STAT2: variants seen among roughly 807,000 people sequenced by gnomAD.
The protein encoded by STAT2 is interferon alpha induced transcriptional activator.
STAT2 carries 51 observed loss-of-function variants against 122.3 expected under a neutral mutation model. The ratio of observed to expected loss-of-function variants is 0.42; its 90% CI spans 0.33 to 0.53. The LOEUF (loss-of-function observed/expected upper bound fraction) is 0.53. Among genes scored for constraint, STAT2 ranks in the 20% least tolerant of loss-of-function variants. The pLI is 0.10. For missense variants in STAT2, 736 were observed against 1,010.3 expected, an observed-to-expected ratio of 0.73 and a Z score of 3.68; for synonymous variants, 351 against 394.9, an observed-to-expected ratio of 0.89 and a Z score of 1.32.
chr12:56,354,552 C>T lies in STAT2; in HGVS notation c.696G>A (p.Leu232=). ...GRLTTLIELL[L]PKLEEWKAQQ... ...GGGCCTTCCACTCCTCCAACTTTGG[C>T]AGCAGTAGCTCGATTAGGGTAGTTA... The change falls in exon 8 of 24, where the codon CTG becomes CTA. Residue 232 remains leucine, a synonymous_variant. Transcript: ENST00000314128. The T allele has an allele frequency of 6.2e-7, 1 of 1,614,226 alleles. No homozygotes were observed. The highest frequency in any genetic ancestry group is 8.5e-7 in the Non-Finnish European group (1 of 1,180,040).
At chr12:56,352,963 G>T (rs970251910) in intron 8 of STAT2, among the ~76,000 whole-genome samples, 1 of 152,014 alleles carries the variant, frequency 6.6e-6, no homozygotes, top group Non-Finnish European at 1.5e-5. Context: ...AGGGACTACA[G>T]GCGTGTGCCA....
chr12:56,355,825 G>A, intron 3 of STAT2, 22 bp from the exon 4 acceptor site: 1 of 1,606,828 alleles, frequency 6.2e-7, no homozygotes, highest in East Asian at 2.2e-5. Context: ...AAACAGAAAG[G>A]ATTGATCCAA....
intron 8 of STAT2, 138 bp downstream of exon 8, chr12:56,354,328 G>A: frequency 7.5e-7 from 1 of 1,340,632 alleles, no homozygotes; most frequent in Non-Finnish European, 1.0e-6. Flanking sequence ...GCAGAATAGA[G>A]CTGCAGTCAG....
At position 56,354,016 on chromosome 12, in the gene STAT2, A is replaced by AATATAT. The variant is rs1555171512; in HGVS notation, c.782+444_782+449dup. Among the ~76,000 whole-genome samples, 21 of 16,690 alleles carry AATATAT rather than the reference A, an allele frequency of 1.3e-3. 1 individual carries two copies. The highest frequency in any genetic ancestry group is 0.01 in the South Asian group (1 of 98). The allele number at this position is 16,690 out of a possible 152,430, so 10.9% of individuals were successfully genotyped here. ...GTCTCAAAAAAAAAAAAAAAAAAAAAATATATATATATATATATATATATA... is the reference window on the plus strand; with the variant it reads ...GTCTCAAAAAAAAAAAAAAAAAAAAAATATATATATATATATATATATATATATATA... On this transcript the variant is annotated intron_variant, in intron 8 of 23. Transcript: ENST00000314128.
chr12:56,343,502 T>G lies in STAT2; in HGVS notation c.2443A>C (p.Ile815Leu), dbSNP rs139653103. The G allele has an allele frequency of 1.2e-6, 2 of 1,613,990 alleles. No homozygotes were observed. Among genetic ancestry groups the G allele is most frequent in the African/African-American group, 2.7e-5 (2 of 74,894 alleles). Residue 815 changes from isoleucine to leucine, a missense_variant, in exon 24 of 24, where the codon ATC becomes CTC. By Grantham distance (5) the Ile-to-Leu change is conservative. Transcript: ENST00000314128. Reference protein sequence around the residue: ...IFRNCVKIEEIMPNGDPLLAG... With the variant: ...IFRNCVKIEELMPNGDPLLAG... Reference sequence around the variant, plus strand: ...AACAGTGGGTCACCATTCGGCATGATTTCTTCAATCTTTACACAGTTTCTG... The same window carrying G: ...AACAGTGGGTCACCATTCGGCATGAGTTCTTCAATCTTTACACAGTTTCTG...
chr12:56,344,196 GT>G, intron 22 of STAT2, 61 bp from the exon 23 acceptor site: 1 of 1,505,088 alleles, frequency 6.6e-7, no homozygotes. Context: ...ATCAGGAATG[GT>G]AGAATAAGCA....
intron 21 of STAT2, 93 bp from the exon 22 acceptor site, chr12:56,346,296 C>T: frequency 5.7e-6 from 9 of 1,566,506 alleles, no homozygotes; most frequent in African/African-American, 1.4e-5. Flanking sequence ...GCAGTCTCAT[C>T]CCCATAGTAA....
intron 5 of STAT2, 37 bp from the exon 6 acceptor site, chr12:56,355,388 C>T (rs374665239): frequency 7.1e-5 from 114 of 1,614,034 alleles, no homozygotes; most frequent in Non-Finnish European, 9.0e-5. Flanking sequence ...GGCTGCTTCT[C>T]AGGGAGGTGT....
intron 21 of STAT2, 75 bp from the exon 22 acceptor site, chr12:56,346,278 T>C (rs1877443968): frequency 1.9e-6 from 3 of 1,589,862 alleles, no homozygotes; most frequent in African/African-American, 1.3e-5. Context: ...CTAGTGCAGA[T>C]GGTCCTGGCA....
At chr12:56,347,250 A>C (rs992536368) in intron 19 of STAT2, among the ~76,000 whole-genome samples, 1 of 151,744 alleles carries the variant, frequency 6.6e-6, no homozygotes. Context: ...GAATAGTGGC[A>C]TGATCACAGC....
rs1879543672 is a variant in STAT2 at position 56,356,568 on chromosome 12, C to T, written c.4G>A (p.Ala2Thr). 2 of 1,614,136 alleles carry T rather than the reference C, an allele frequency of 1.2e-6. No individual in the cohort carries two copies. The highest frequency in any genetic ancestry group is 1.7e-6 in the Non-Finnish European group (2 of 1,180,026). The change falls in exon 2 of 24, where the codon GCG (alanine) becomes ACG (threonine). Residue 2 changes from alanine (A) to threonine (T), a missense_variant. Transcript: ENST00000314128. The stretch of plus-strand genomic sequence containing the variant: ...AGATTCTGCAGCATTTCCCACTGCG[C>T]CATTTGGGCTCTGCGTCAGAAGGAT... Reference protein sequence around the residue: MAQWEMLQNLDS... With the variant: MTQWEMLQNLDS...
At chr12:56,346,242 G>T (rs1378695902) in intron 21 of STAT2, 39 bp from the exon 22 acceptor site, 2 of 1,612,218 alleles carry the variant, frequency 1.2e-6, no homozygotes, top group Admixed American at 3.3e-5. Context: ...AAGATCAGTG[G>T]GCCAGACATA....
intron 19 of STAT2, among the ~76,000 whole-genome samples, chr12:56,348,211 C>T (rs920115592): frequency 2.6e-5 from 4 of 151,816 alleles, no homozygotes; most frequent in Non-Finnish European, 5.9e-5. Context: ...CCTCAGCCTC[C>T]TGAGTAGCTG....
chr12:56,359,933 T>C (rs1880126959), intron 1 of STAT2, 125 bp downstream of exon 1: 1 of 547,566 alleles, frequency 1.8e-6, no homozygotes, highest in Non-Finnish European at 2.3e-6. Flanking sequence ...ACAGCTCCTA[T>C]TTCAATCTGG....
At chr12:56,349,729 G>C (rs922011291) in intron 13 of STAT2, 93 bp from the exon 14 acceptor site, 46 of 1,522,904 alleles carry the variant, frequency 3.0e-5, no homozygotes, top group Non-Finnish European at 3.8e-5. Context: ...CAAGCCCTGG[G>C]AACTTCCCCC....
At chr12:56,355,215 T>G in intron 6 of STAT2, 61 bp downstream of exon 6, 1 of 1,594,394 alleles carries the variant, frequency 6.3e-7, no homozygotes, top group Non-Finnish European at 8.6e-7. Flanking sequence ...TCCTGTTCAC[T>G]TCCAGCTCCG....
In STAT2 at chr12:56,343,500, G is replaced by C; in HGVS notation, c.2445C>G (p.Ile815Met). Residue 815 changes from isoleucine (I) to methionine (M), a missense_variant, in exon 24 of 24, where the codon ATC becomes ATG. Transcript: ENST00000314128. ...IFRNCVKIEE[I>M]MPNGDPLLAG... The stretch of plus-strand genomic sequence containing the variant: ...CCAACAGTGGGTCACCATTCGGCAT[G>C]ATTTCTTCAATCTTTACACAGTTTC... 1 of 1,614,122 alleles carries C rather than the reference G, an allele frequency of 6.2e-7. No individual in the cohort carries two copies.
chr12:56,349,875 C>A (rs1878173243), intron 13 of STAT2: 2 of 643,346 alleles, frequency 3.1e-6, no homozygotes, highest in Admixed American at 2.9e-5. Flanking sequence ...ATGGTGAAAC[C>A]CTATCTCTAC....
At chr12:56,354,428 C>T (rs372906014) in intron 8 of STAT2, 38 bp downstream of exon 8, 19 of 1,612,982 alleles carry the variant, frequency 1.2e-5, no homozygotes, top group African/African-American at 8.0e-5. Context: ...CAAATCACAG[C>T]GCATGGCGAG....
Sources: allele counts gnomAD v4.1 joint callset (sites outside exome capture counted in the v4.1 genomes callset), GRCh38; gene constraint gnomAD v4.1.1; transcripts MANE v1.5; gene names NCBI Gene and HGNC (gene_info 2026-07-23, HGNC 2026-07-21).